YBEY: variants seen among roughly 807,000 people sequenced by gnomAD.
YBEY encodes the protein endoribonuclease YbeY.
YBEY carries 15 observed loss-of-function variants against 13.5 expected under a neutral mutation model. The observed-to-expected ratio is 1.11, with a 90% CI of 0.75 to 1.72. YBEY has a LOEUF of 1.72. Ranked by LOEUF, YBEY falls within the 40% of genes most tolerant of loss-of-function variation. The pLI is 0.00. For missense variants in YBEY, 244 were observed against 208.4 expected (o/e 1.17, Z -1.05); for synonymous variants, 101 against 83.1 (o/e 1.21, Z -1.17).
In YBEY at chr21:46,297,667, AG is replaced by A; in HGVS notation, c.*37del. ...GTTCCTTCTGAAAGCGGGACGCGGG[AG>A]GGGTGGAGGCTGCGGGGAGCCGGGG... On this transcript the variant is annotated 3_prime_UTR_variant, in exon 5 of 5. Coordinates refer to ENST00000397701, the MANE Select transcript of YBEY (RefSeq NM_001314025.2). 1 of 1,282,918 alleles carries A rather than the reference AG, an allele frequency of 7.8e-7. No homozygotes were observed. Among genetic ancestry groups the A allele is most frequent in the South Asian group, 2.7e-5 (1 of 37,406 alleles). The allele number at this position is 1,282,918 out of a possible 1,614,324, so 79.5% of individuals were successfully genotyped here.
intron 3 of YBEY, among the ~76,000 whole-genome samples, chr21:46,292,586 G>A (rs144418600): frequency 1.1e-5 from 1 of 92,610 alleles, no homozygotes; most frequent in Admixed American, 1.0e-4. Flanking sequence ...AATTCCTCCC[G>A]CGGTTAGCCT....
At position 46,291,348 on chromosome 21, in the gene YBEY, TG is replaced by T. The variant is rs1740689971; in HGVS notation, c.226del (p.Glu76AsnfsTer18). Reference protein sequence around the residue: ...FPFHEHLKAGEFPQPDFPDDY... With the variant: ...FPFHEHLKAGXFPQPDFPDDY... ...TCATTTTTTAGCATCTGAAAGCAGG[TG>T]AATTTCCCCAGCCTGATTTTCCAGA... On this transcript the variant is annotated frameshift_variant, in exon 3 of 5. Coordinates refer to ENST00000397701, the MANE Select transcript of YBEY (RefSeq NM_001314025.2). LOFTEE classifies it high-confidence loss of function. 1 of 1,614,096 alleles carries T rather than the reference TG, an allele frequency of 6.2e-7. No individual in the cohort carries two copies. The highest frequency in any genetic ancestry group is 1.7e-5 in the Admixed American group (1 of 59,968).
rs534545278 is a variant in YBEY, at chr21:46,291,563, C to T, written c.339+101C>T. ...TGCATCCATGTGTGTCCGTGGGTAC[C>T]GTAAGGGCTACTGGGGGAAGAACCT... On this transcript the variant is annotated intron_variant, in intron 3 of 4. Transcript: ENST00000397701. The T allele has an allele frequency of 2.2e-5, 34 of 1,545,224 alleles. No homozygotes were observed. The Middle Eastern group carries it at 5.2e-4, about 24-fold the overall frequency.
downstream of YBEY, chr21:46,301,264 C>A (rs901790781): frequency 7.3e-6 from 2 of 272,886 alleles, no homozygotes; most frequent in Non-Finnish European, 1.1e-5. Flanking sequence ...ACCTCAGCCC[C>A]CAGAGCTGCT....
the YBEY span, among the ~76,000 whole-genome samples, chr21:46,303,503 T>G: frequency 6.6e-6 from 1 of 150,802 alleles, no homozygotes; most frequent in Admixed American, 6.6e-5. Context: ...GCAGGCAACC[T>G]GAAAGAAAAA....
At chr21:46,299,862 C>T (rs1162360149), downstream of YBEY, among the ~76,000 whole-genome samples, 1 of 152,154 alleles carries the variant, frequency 6.6e-6, no homozygotes, top group Non-Finnish European at 1.5e-5. Context: ...AGCCCATTTT[C>T]AGGGCCTGCT....
downstream of YBEY, chr21:46,302,407 A>C (rs574120078): frequency 6.5e-5 from 79 of 1,224,214 alleles, no homozygotes; most frequent in Admixed American, 1.5e-3. Flanking sequence ...AGAGCTACAC[A>C]GATGCAGAAA....
At chr21:46,296,011 C>T in intron 3 of YBEY, 151 bp from the exon 4 acceptor site, 1 of 686,828 alleles carries the variant, frequency 1.5e-6, no homozygotes, top group Non-Finnish European at 2.5e-6. Flanking sequence ...GGAACTGAAG[C>T]TGAGTGCCTG....
the YBEY span, among the ~76,000 whole-genome samples, chr21:46,304,506 A>C: frequency 1.3e-5 from 2 of 152,048 alleles, no homozygotes; most frequent in South Asian, 4.1e-4. Flanking sequence ...AAAAACCTCA[A>C]AAAACAAAAA....
At chr21:46,295,489 C>T (rs2081920868) in intron 3 of YBEY, among the ~76,000 whole-genome samples, 1 of 151,654 alleles carries the variant, frequency 6.6e-6, no homozygotes, top group Non-Finnish European at 1.5e-5. Flanking sequence ...CCCTCCTCTT[C>T]CTCCTCCTCC....
the YBEY span, among the ~76,000 whole-genome samples, chr21:46,306,544 C>A: frequency 6.6e-6 from 1 of 152,136 alleles, no homozygotes; most frequent in Non-Finnish European, 1.5e-5. Context: ...GTTATACAAA[C>A]TCCCTCAGTA....
chr21:46,298,689 A>G (rs192828916), downstream of YBEY, among the ~76,000 whole-genome samples: 1 of 151,616 alleles, frequency 6.6e-6, no homozygotes, highest in East Asian at 2.0e-4. Flanking sequence ...TCGGCCTCCC[A>G]AAGTGCTGGG....
At chr21:46,296,562 G>A (rs536843680) in intron 4 of YBEY, among the ~76,000 whole-genome samples, 2 of 152,174 alleles carry the variant, frequency 1.3e-5, no homozygotes, top group African/African-American at 4.8e-5. Context: ...GTGAGTTCCG[G>A]GTTGGTTTCC....
At chr21:46,303,933 T>G in the YBEY span, among the ~76,000 whole-genome samples, 1 of 143,964 alleles carries the variant, frequency 6.9e-6, no homozygotes, top group Admixed American at 7.0e-5. Context: ...TTGTATTTTT[T>G]GTAGAGATGG....
At chr21:46,295,061 C>T (rs975407307) in intron 3 of YBEY, among the ~76,000 whole-genome samples, 7 of 152,174 alleles carry the variant, frequency 4.6e-5, no homozygotes, top group Non-Finnish European at 7.3e-5. Flanking sequence ...GGAGATTCAG[C>T]CCTGGGATCT....
At chr21:46,301,832 G>A (rs1246342610), downstream of YBEY, 8 of 1,262,130 alleles carry the variant, frequency 6.3e-6, no homozygotes, top group Admixed American at 4.1e-5. Flanking sequence ...ACCAGAAAGC[G>A]AGCCTGCCCA....
intron 4 of YBEY, 140 bp downstream of exon 4, chr21:46,296,370 G>T (rs757489424): frequency 1.1e-6 from 1 of 910,498 alleles, no homozygotes. Context: ...AAATGACACA[G>T]ATGTTTGCTT....
chr21:46,287,282 C>G (rs1036468000), intron 2 of YBEY, among the ~76,000 whole-genome samples, 159 bp downstream of exon 2: 1 of 152,104 alleles, frequency 6.6e-6, no homozygotes, highest in African/African-American at 2.4e-5. Context: ...TGCAACCTCC[C>G]TTCCTGGTTC....
the YBEY span, among the ~76,000 whole-genome samples, chr21:46,307,399 C>T: frequency 3.9e-5 from 6 of 151,924 alleles, no homozygotes; most frequent in Non-Finnish European, 5.9e-5. Flanking sequence ...ACCCCTACCT[C>T]GGTATGCTTT....
Sources: allele counts gnomAD v4.1 joint callset (sites outside exome capture counted in the v4.1 genomes callset), GRCh38; gene constraint gnomAD v4.1.1; transcripts MANE v1.5; gene names NCBI Gene and HGNC (gene_info 2026-07-23, HGNC 2026-07-21).